Variants in PIP5K1B observed in about 807,000 individuals in gnomAD.
PIP5K1B encodes phosphatidylinositol-4-phosphate 5-kinase type 1 beta.
Under a neutral mutation model 67.0 loss-of-function variants are expected in PIP5K1B, and 42 were observed. The ratio of observed to expected loss-of-function variants is 0.63; its 90% confidence interval spans 0.49 to 0.81. PIP5K1B has a LOEUF of 0.81. Among genes scored for constraint, PIP5K1B ranks in the 30% least tolerant of loss-of-function variants. PIP5K1B has a pLI of 0.00. For synonymous variants in PIP5K1B, 214 were observed against 231.4 expected, an observed-to-expected ratio of 0.92 and a Z score of 0.68; for missense variants, 459 against 646.3, an observed-to-expected ratio of 0.71 and a Z score of 3.14.
intron 1 of PIP5K1B, among the ~76,000 whole-genome samples, chr9:68,721,467 T>C (rs1405650400): frequency 6.6e-6 from 1 of 151,810 alleles, no homozygotes; most frequent in Non-Finnish European, 1.5e-5. Context: ...ACTGGAGAGA[T>C]TGGGGAATGA....
chr9:68,999,144 G>T (rs1445680064), intron 15 of PIP5K1B, among the ~76,000 whole-genome samples: 1 of 152,150 alleles, frequency 6.6e-6, no homozygotes, highest in Non-Finnish European at 1.5e-5. Flanking sequence ...TCTTCCCTGT[G>T]ATGTTCTGTG....
At chr9:68,956,470 A>G (rs1483974142) in intron 14 of PIP5K1B, among the ~76,000 whole-genome samples, 1 of 143,366 alleles carries the variant, frequency 7.0e-6, no homozygotes, top group African/African-American at 2.5e-5. Flanking sequence ...TCTGTCTCAG[A>G]AAAAAAAAGA....
At chr9:68,878,781 G>GTCTT (rs1824025959) in intron 6 of PIP5K1B, among the ~76,000 whole-genome samples, 1 of 152,202 alleles carries the variant, frequency 6.6e-6, no homozygotes, top group Admixed American at 6.5e-5. Flanking sequence ...TGAGGTAGGG[G>GTCTT]TCTTTCTCTT....
intron 8 of PIP5K1B, among the ~76,000 whole-genome samples, chr9:68,908,709 CTG>C (rs1427450271): frequency 6.6e-6 from 1 of 152,192 alleles, no homozygotes; most frequent in Non-Finnish European, 1.5e-5. Context: ...AATTCTAGAA[CTG>C]TATTCTGAGG....
At chr9:68,860,137 T>C (rs1822986044) in intron 4 of PIP5K1B, among the ~76,000 whole-genome samples, 1 of 152,206 alleles carries the variant, frequency 6.6e-6, no homozygotes. Context: ...AATAGATCTC[T>C]TGGACTTATT....
At chr9:68,958,434 A>G (rs1828515024) in intron 14 of PIP5K1B, among the ~76,000 whole-genome samples, 1 of 152,182 alleles carries the variant, frequency 6.6e-6, no homozygotes, top group Admixed American at 6.5e-5. Flanking sequence ...CACCCACCAG[A>G]TCATTTACCC....
chr9:68,739,340 A>G (rs1411724382), intron 1 of PIP5K1B, among the ~76,000 whole-genome samples: 4 of 152,150 alleles, frequency 2.6e-5, no homozygotes, highest in Admixed American at 1.3e-4. Context: ...TCTTCATACA[A>G]TCTAGCCTTT....
chr9:68,999,159 T>A (rs1332538458), intron 15 of PIP5K1B, among the ~76,000 whole-genome samples: 4 of 152,234 alleles, frequency 2.6e-5, no homozygotes, highest in Non-Finnish European at 5.9e-5. Context: ...TCTGTGCCTC[T>A]GTGTGGCCTC....
At chr9:68,902,943 A>G (rs1825435198) in intron 8 of PIP5K1B, among the ~76,000 whole-genome samples, 4 of 152,332 alleles carry the variant, frequency 2.6e-5, no homozygotes, top group South Asian at 4.1e-4. Context: ...TCAGTGGTTA[A>G]GTTTAGTGCC....
At chr9:68,719,461 T>C (rs1056423592) in intron 1 of PIP5K1B, among the ~76,000 whole-genome samples, 9 of 152,162 alleles carry the variant, frequency 5.9e-5, no homozygotes, top group Admixed American at 2.0e-4. Context: ...TACTGAAAAA[T>C]TAACTTATTT....
At chr9:68,872,930 T>A (rs1823698441) in intron 5 of PIP5K1B, among the ~76,000 whole-genome samples, 1 of 152,200 alleles carries the variant, frequency 6.6e-6, no homozygotes, top group Admixed American at 6.5e-5. Context: ...TGAGTAACCA[T>A]GTTCACATAT....
At chr9:68,911,130 T>C (rs1825825862) in intron 8 of PIP5K1B, among the ~76,000 whole-genome samples, 1 of 151,970 alleles carries the variant, frequency 6.6e-6, no homozygotes, top group African/African-American at 2.4e-5. Flanking sequence ...TCCCAGCACT[T>C]TGGGAGGCTG....
chr9:68,902,303 A>C (rs1825402943), intron 8 of PIP5K1B, among the ~76,000 whole-genome samples: 1 of 152,174 alleles, frequency 6.6e-6, no homozygotes. Context: ...TGCAATTACC[A>C]ATCTGTTTTC....
chr9:68,898,236 C>T (rs1447275644), intron 8 of PIP5K1B, among the ~76,000 whole-genome samples: 6 of 152,212 alleles, frequency 3.9e-5, no homozygotes, highest in Non-Finnish European at 8.8e-5. Flanking sequence ...CCCACAGGAT[C>T]AGAGGGCTCT....
chr9:68,838,927 AT>A (rs902902292), intron 4 of PIP5K1B, among the ~76,000 whole-genome samples: 1 of 152,220 alleles, frequency 6.6e-6, no homozygotes, highest in African/African-American at 2.4e-5. Flanking sequence ...TTTAATTCAG[AT>A]TTTATATCAG....
intron 14 of PIP5K1B, among the ~76,000 whole-genome samples, chr9:68,965,355 A>G (rs1828966603): frequency 6.6e-6 from 1 of 152,182 alleles, no homozygotes; most frequent in Admixed American, 6.5e-5. Flanking sequence ...ATAGAGTTTA[A>G]CTCACCATTG....
chr9:68,829,746 GTAAT>G (rs1834180870), intron 4 of PIP5K1B, among the ~76,000 whole-genome samples: 1 of 152,198 alleles, frequency 6.6e-6, no homozygotes, highest in Admixed American at 6.5e-5. Flanking sequence ...TTGATAAAAT[GTAAT>G]TAATTAATAT....
chr9:68,974,159 C>T (rs1339855945), intron 14 of PIP5K1B, among the ~76,000 whole-genome samples: 1 of 152,144 alleles, frequency 6.6e-6, no homozygotes, highest in Non-Finnish European at 1.5e-5. Flanking sequence ...TGTGAGTCAC[C>T]ACACCCAGCC....
chr9:68,845,527 A>T (rs1053093213), intron 4 of PIP5K1B, among the ~76,000 whole-genome samples: 1 of 152,146 alleles, frequency 6.6e-6, no homozygotes, highest in African/African-American at 2.4e-5. Context: ...AAACATAGTA[A>T]TTTTAAAGGT....
Sources: gnomAD v4.1 joint callset for allele counts (sites outside exome capture counted in the v4.1 genomes callset) on GRCh38, gnomAD v4.1.1 for gene constraint, MANE v1.5 for transcripts, NCBI Gene and HGNC (gene_info 2026-07-23, HGNC 2026-07-21) for gene names.